DDHD1: variants seen among roughly 807,000 people sequenced by gnomAD.
The protein encoded by DDHD1 is phospholipase DDHD1.
A neutral mutation model predicts 96.4 loss-of-function variants in DDHD1; 49 were observed. That is an observed-to-expected ratio of 0.51 (90% CI 0.40 to 0.64). DDHD1 has a LOEUF of 0.64. DDHD1 is among the 30% of genes least tolerant of loss of function. The pLI is 0.00. For missense variants in DDHD1, 1,106 were observed against 1,161.2 expected, an observed-to-expected ratio of 0.95 and a Z score of 0.69; for synonymous variants, 442 against 446.5, an observed-to-expected ratio of 0.99 and a Z score of 0.13.
rs371294287 is a variant in DDHD1 at position 53,131,653 on chromosome 14, G to A, written c.838+20608C>T. ...AGCAACTTACCTGAGCTGTACTGCC[G>A]GAAGGCTTCAGGGACAGTCCCCATT... On this transcript the variant is annotated intron_variant, in intron 1 of 12. Transcript: ENST00000673822. Among the ~76,000 whole-genome samples, 149 of 152,156 alleles carry A rather than the reference G, an allele frequency of 9.8e-4. 1 individual carries two copies. The highest frequency in any genetic ancestry group is 3.4e-3 in the African/African-American group (139 of 41,486).
Position 53,103,724 on chromosome 14 carries a change from T to C in DDHD1, c.971A>G (p.Asn324Ser). The change falls in exon 2 of 13, where the codon AAT (asparagine) becomes AGT (serine). Residue 324 changes from asparagine (N) to serine (S), a missense_variant. Coordinates refer to ENST00000673822, the MANE Select transcript of DDHD1 (RefSeq NM_001160148.2). ...GGATTTTGACACTTCAATATCGAAA[T>C]TTTCCTGCATCTGCTGGCCCCTAAA... ...NCFRGQQMQENFDIEVSKSID... is the reference protein window; with the variant it reads ...NCFRGQQMQESFDIEVSKSID... 1 of 1,613,100 alleles carries C rather than the reference T, an allele frequency of 6.2e-7. No individual in the cohort carries two copies.
Position 53,126,516 on chromosome 14 carries a change from G to A in DDHD1, c.839-22660C>T, listed in dbSNP as rs557889932. ...CAAGTAGCTGGGACTACAGGCATGC[G>A]CCACCATCCCCAGCTAATTTTTTGT... On this transcript the variant is annotated intron_variant, in intron 1 of 12. Coordinates refer to ENST00000673822, the MANE Select transcript of DDHD1 (RefSeq NM_001160148.2). 1.0e-3 allele frequency among the ~76,000 whole-genome samples: 155 copies of A among 152,208 alleles called. 4 individuals carry two copies. In the South Asian group the frequency reaches 0.028, roughly 27 times the overall value.
intron 1 of DDHD1, among the ~76,000 whole-genome samples, chr14:53,128,139 T>C (rs1236019394): frequency 1.3e-5 from 2 of 152,202 alleles, no homozygotes; most frequent in Non-Finnish European, 1.5e-5. Context: ...TCCACCATGA[T>C]TGTAAGTTTC....
At chr14:53,082,876 C>A (rs551842385) in intron 4 of DDHD1, among the ~76,000 whole-genome samples, 2 of 151,174 alleles carry the variant, frequency 1.3e-5, no homozygotes, top group East Asian at 1.9e-4. Context: ...CTCAAGCAAT[C>A]CAAAATACAT....
intron 1 of DDHD1, among the ~76,000 whole-genome samples, chr14:53,131,726 G>T (rs1197917949): frequency 6.6e-6 from 1 of 152,042 alleles, no homozygotes; most frequent in Non-Finnish European, 1.5e-5. Flanking sequence ...CCATCCATCT[G>T]CTTCTCAACT....
intron 1 of DDHD1, among the ~76,000 whole-genome samples, chr14:53,135,338 G>A (rs1890153935): frequency 6.6e-6 from 1 of 152,132 alleles, no homozygotes; most frequent in African/African-American, 2.4e-5. Context: ...CCCTTAAGAA[G>A]GTACTTTGTA....
intron 1 of DDHD1, among the ~76,000 whole-genome samples, chr14:53,139,843 CAAAAA>C (rs56999105): frequency 7.6e-6 from 1 of 131,260 alleles, no homozygotes; most frequent in Non-Finnish European, 1.6e-5. Context: ...CAAGAGACCA[CAAAAA>C]AAAAAAAAAA....
At chr14:53,048,873 AAG>A (rs1464972502) in intron 12 of DDHD1, 2 of 152,214 alleles carry the variant, frequency 1.3e-5, no homozygotes, top group Admixed American at 6.5e-5. Context: ...ACAAAGGAAA[AAG>A]AAGATGAAAA....
rs146273767 is a variant in DDHD1 at position 53,085,788 on chromosome 14, C to A, written c.1289+5997G>T. Among the ~76,000 whole-genome samples the A allele has an allele frequency of 5.5e-4, 84 of 152,272 alleles. 1 individual carries two copies. Among genetic ancestry groups the A allele is most frequent in the African/African-American group, 2.0e-3 (82 of 41,540 alleles). On this transcript the variant is annotated intron_variant, in intron 4 of 12. Transcript: ENST00000673822. ...TCACCAGCAATGGAACAAAGCTGGA[C>A]AGAGAATGACTTTGATGAGCTGGCA...
Position 53,153,134 on chromosome 14 carries a change from G to A in DDHD1, c.-36C>T. 2 of 1,362,954 alleles carry A rather than the reference G, an allele frequency of 1.5e-6. No individual in the cohort carries two copies. The highest frequency in any genetic ancestry group is 3.1e-5 in the East Asian group (1 of 32,604). The allele number at this position is 1,362,954 out of a possible 1,614,324, so 84.4% of individuals were successfully genotyped here. A position where few individuals can be genotyped will look rare whatever the true frequency, so the allele number is the denominator to read the frequency against. ...CGCCGCCGGCTGTCCGGCGGCGCGCGGAGCCGTGACCCCCAGCGCTTCCGC... is the reference window on the plus strand; with the variant it reads ...CGCCGCCGGCTGTCCGGCGGCGCGCAGAGCCGTGACCCCCAGCGCTTCCGC... On this transcript the variant is annotated 5_prime_UTR_variant, in exon 1 of 13. Coordinates refer to ENST00000673822, the MANE Select transcript of DDHD1 (RefSeq NM_001160148.2).
At chr14:53,090,559 T>C (rs1886347012) in intron 4 of DDHD1, among the ~76,000 whole-genome samples, 2 of 152,232 alleles carry the variant, frequency 1.3e-5, no homozygotes, top group South Asian at 4.2e-4. Context: ...AAAGGATGAG[T>C]TCATGTCCTT....
At chr14:53,100,846 T>A (rs888203262) in intron 2 of DDHD1, among the ~76,000 whole-genome samples, 2 of 152,232 alleles carry the variant, frequency 1.3e-5, no homozygotes, top group Admixed American at 6.5e-5. Flanking sequence ...TTCCACTGCA[T>A]TGTGATTATC....
intron 2 of DDHD1, chr14:53,096,256 TA>T: frequency 3.3e-6 from 3 of 920,130 alleles, no homozygotes; most frequent in Non-Finnish European, 3.9e-6. Flanking sequence ...AAGTAAATTT[TA>T]AATGAGATTT....
rs1396946813 is a variant in DDHD1, at chr14:53,042,466, A to G, written c.*4302T>C. ...TTTCACTTCACTTTTCATGACCTTT[A>G]CTGCTATTTAAATGCTGACATGATA... On this transcript the variant is annotated 3_prime_UTR_variant, in exon 13 of 13. Transcript: ENST00000673822. The G allele has an allele frequency of 6.6e-6, 1 of 152,080 alleles. No homozygotes were observed. Among genetic ancestry groups the G allele is most frequent in the African/African-American group, 2.4e-5 (1 of 41,398 alleles). 9.4% of individuals were successfully genotyped at this position (152,080 alleles called of 1,614,324 possible).
intron 11 of DDHD1, chr14:53,053,927 A>G (rs901904126): frequency 5.3e-5 from 8 of 152,212 alleles, no homozygotes; most frequent in African/African-American, 1.9e-4. Flanking sequence ...TTATTTACTC[A>G]TTTTTTCAAT....
Position 53,061,891 on chromosome 14 carries a change from G to A in DDHD1, c.1767-690C>T, listed in dbSNP as rs1883587629. 3.3e-5 allele frequency among the ~76,000 whole-genome samples: 5 copies of A among 151,804 alleles called. No individual in the cohort carries two copies. In the South Asian group the frequency reaches 6.2e-4, roughly 19 times the overall value. On this transcript the variant is annotated intron_variant, in intron 7 of 12. Coordinates refer to ENST00000673822, the MANE Select transcript of DDHD1 (RefSeq NM_001160148.2). ...TCTACTAAAAATACAAAAATGAGCC[G>A]GGCGTGGTAGCAGTTGCCTGTAATC...
chr14:53,057,036 C>G (rs1883113343), intron 9 of DDHD1, among the ~76,000 whole-genome samples: 1 of 152,160 alleles, frequency 6.6e-6, no homozygotes, highest in Non-Finnish European at 1.5e-5. Context: ...CTACATCATA[C>G]AGATAAGATA....
Position 53,041,354 on chromosome 14 carries a change from C to A in DDHD1, c.*5414G>T, listed in dbSNP as rs1488008119. On this transcript the variant is annotated 3_prime_UTR_variant, in exon 13 of 13. Coordinates refer to ENST00000673822, the MANE Select transcript of DDHD1 (RefSeq NM_001160148.2). ...CAGAGGAAAAGTTCACCCTAACAATCTGCCAATGGACTATTTTTGGGGAAT... is the reference window on the plus strand; with the variant it reads ...CAGAGGAAAAGTTCACCCTAACAATATGCCAATGGACTATTTTTGGGGAAT... 4 of 152,180 alleles carry A rather than the reference C, an allele frequency of 2.6e-5. No homozygotes were observed. Among genetic ancestry groups the A allele is most frequent in the Non-Finnish European group, 4.4e-5 (3 of 68,028 alleles). The allele number at this position is 152,180 out of a possible 1,614,324, so 9.4% of individuals were successfully genotyped here.
chr14:53,116,612 C>A (rs1368645843), intron 1 of DDHD1, among the ~76,000 whole-genome samples: 1 of 152,168 alleles, frequency 6.6e-6, no homozygotes, highest in Admixed American at 6.5e-5. Context: ...ACAACCTGCT[C>A]CTGAATGACT....
Sources: gnomAD v4.1 joint callset for allele counts (sites outside exome capture counted in the v4.1 genomes callset) on GRCh38, gnomAD v4.1.1 for gene constraint, MANE v1.5 for transcripts, NCBI Gene and HGNC (gene_info 2026-07-23, HGNC 2026-07-21) for gene names.